Variants in PANX1 observed in about 807,000 individuals in gnomAD.
PANX1 encodes the protein pannexin-1.
PANX1 carries 30 observed loss-of-function variants against 38.7 expected under a neutral mutation model. That is an observed-to-expected ratio of 0.78 (90% CI 0.58 to 1.05). The LOEUF is 1.05. PANX1 is among the 50% of genes least tolerant of loss of function. The pLI, the probability that PANX1 is intolerant of heterozygous loss-of-function variation, is 0.00. For synonymous variants in PANX1, 230 were observed against 212.2 expected (o/e 1.08, Z -0.73); for missense variants, 551 against 517.2 (o/e 1.07, Z -0.63).
chr11:94,129,603 G>A (rs1591499901), intron 1 of PANX1, 110 bp downstream of exon 1: 1 of 1,010,384 alleles, frequency 9.9e-7, no homozygotes, highest in Non-Finnish European at 1.4e-6. Flanking sequence ...TGATGGTCGT[G>A]AGCGTCAGGA....
rs1028168717 is a variant in PANX1 at position 94,180,658 on chromosome 11, A to G, written c.1202-132A>G. 5.1e-6 allele frequency: 3 copies of G among 585,304 alleles called. No individual in the cohort carries two copies. In the Admixed American group the frequency reaches 8.8e-5, roughly 17 times the overall value. 36.3% of individuals were successfully genotyped at this position (585,304 alleles called of 1,614,324 possible). On this transcript the variant is annotated intron_variant, in intron 4 of 4. Coordinates refer to ENST00000227638, the MANE Select transcript of PANX1 (RefSeq NM_015368.4). ...TTCAAAGGGGACTAAAAGTTTATTG[A>G]TTCTTTTAGTTAGGCCAAGAAGCAA...
chr11:94,163,479 G>T (rs528136044), intron 2 of PANX1, among the ~76,000 whole-genome samples: 1 of 152,166 alleles, frequency 6.6e-6, no homozygotes, highest in South Asian at 2.1e-4. Context: ...CTATGGAAAT[G>T]ATCATATGCT....
chr11:94,159,198 G>A (rs1209511976), intron 2 of PANX1, among the ~76,000 whole-genome samples: 1 of 149,756 alleles, frequency 6.7e-6, no homozygotes, highest in East Asian at 1.9e-4. Flanking sequence ...AGGGATATTG[G>A]TCTAAAGTTC....
At chr11:94,175,679 ATGT>A in intron 2 of PANX1, 1 of 887,174 alleles carries the variant, frequency 1.1e-6, no homozygotes, top group Non-Finnish European at 1.3e-6. Context: ...TCATGCACTT[ATGT>A]TTTTAAACTA....
chr11:94,143,815 C>T (rs1016462881), intron 1 of PANX1, among the ~76,000 whole-genome samples: 3 of 151,364 alleles, frequency 2.0e-5, no homozygotes, highest in Non-Finnish European at 4.4e-5. Context: ...GTGATGGGAA[C>T]ACGGCTCACT....
intron 2 of PANX1, among the ~76,000 whole-genome samples, chr11:94,159,143 C>T (rs913095715): frequency 3.9e-5 from 6 of 152,096 alleles, no homozygotes; most frequent in Non-Finnish European, 5.9e-5. Flanking sequence ...CTGCTGGATT[C>T]GGTTTGCCAG....
At chr11:94,152,141 T>C (rs996176419) in intron 1 of PANX1, among the ~76,000 whole-genome samples, 1 of 151,128 alleles carries the variant, frequency 6.6e-6, no homozygotes, top group Non-Finnish European at 1.5e-5. Context: ...GGGAGAATGG[T>C]AGGCACATCC....
intron 2 of PANX1, among the ~76,000 whole-genome samples, chr11:94,167,583 A>C (rs533405910): frequency 2.3e-4 from 35 of 152,360 alleles, no homozygotes; most frequent in Admixed American, 7.8e-4. Flanking sequence ...AGATCCAGAT[A>C]GTGGATTGAT....
intron 1 of PANX1, 138 bp from the exon 2 acceptor site, chr11:94,153,353 T>TC: frequency 1.2e-6 from 1 of 811,562 alleles, no homozygotes; most frequent in East Asian, 2.6e-5. Context: ...CTTGGGTGTT[T>TC]GTTTTTAGTT....
chr11:94,145,370 T>C (rs921899494), intron 1 of PANX1, among the ~76,000 whole-genome samples: 2 of 152,218 alleles, frequency 1.3e-5, no homozygotes, highest in African/African-American at 4.8e-5. Flanking sequence ...TTGCATAGAT[T>C]TTTGAGTGAT....
chr11:94,180,929 A>G lies in PANX1; in HGVS notation c.*60A>G. On this transcript the variant is annotated 3_prime_UTR_variant, in exon 5 of 5. Transcript: ENST00000227638. The stretch of plus-strand genomic sequence containing the variant: ...CTGCGACATGGGATTTAATTTGGCT[A>G]AAGCACCCCTGTTGGTTTCACAGCT... 1 of 960,302 alleles carries G rather than the reference A, an allele frequency of 1.0e-6. No individual in the cohort carries two copies. Among genetic ancestry groups the G allele is most frequent in the Non-Finnish European group, 1.7e-6 (1 of 584,870 alleles). 59.5% of individuals were successfully genotyped at this position (960,302 alleles called of 1,614,324 possible).
intron 2 of PANX1, among the ~76,000 whole-genome samples, chr11:94,154,036 G>A (rs1185373637): frequency 6.6e-6 from 1 of 152,180 alleles, no homozygotes; most frequent in African/African-American, 2.4e-5. Flanking sequence ...CACACACAGG[G>A]TCTCTTGCAG....
intron 1 of PANX1, among the ~76,000 whole-genome samples, chr11:94,130,321 G>A (rs1946613850): frequency 6.6e-6 from 1 of 152,158 alleles, no homozygotes; most frequent in Non-Finnish European, 1.5e-5. Context: ...GGGTGGGTGG[G>A]ATTTGGACAA....
chr11:94,144,921 TTGAA>T (rs973856913), intron 1 of PANX1, among the ~76,000 whole-genome samples: 13 of 152,222 alleles, frequency 8.5e-5, no homozygotes, highest in Non-Finnish European at 1.3e-4. Flanking sequence ...TTTTACTAGG[TTGAA>T]TGAGAGAATC....
Position 94,153,597 on chromosome 11 carries a change from C to T in PANX1, c.288C>T (p.Ser96=), listed in dbSNP as rs1337308114. 8 of 1,613,734 alleles carry T rather than the reference C, an allele frequency of 5.0e-6. No homozygotes were observed. The highest frequency in any genetic ancestry group is 2.2e-5 in the East Asian group (1 of 44,894). Residue 96 remains serine, a synonymous_variant, in exon 2 of 5, where the codon AGC becomes AGT. Coordinates refer to ENST00000227638, the MANE Select transcript of PANX1 (RefSeq NM_015368.4). ...AAVQQKNSLQ[S]ESGNLPLWLH... ...TTCAGCAGAAGAACTCACTGCAGAG[C>T]GAGTCTGGAAACCTCCCACTGTGGC... is the stretch of plus-strand genomic sequence containing the variant.
chr11:94,146,453 CCACTTATCATTG>C (rs1946829619), intron 1 of PANX1, among the ~76,000 whole-genome samples: 1 of 152,212 alleles, frequency 6.6e-6, no homozygotes, highest in African/African-American at 2.4e-5. Flanking sequence ...CCTCCACAGA[CCACTTATCATTG>C]CACAGGGGGA....
intron 2 of PANX1, among the ~76,000 whole-genome samples, chr11:94,157,252 A>T (rs1946961677): frequency 6.6e-6 from 1 of 152,120 alleles, no homozygotes. Flanking sequence ...TAGTAATGGG[A>T]TGGCTGGGAT....
At chr11:94,156,601 C>T (rs1197804164) in intron 2 of PANX1, among the ~76,000 whole-genome samples, 2 of 151,686 alleles carry the variant, frequency 1.3e-5, no homozygotes, top group Admixed American at 6.6e-5. Flanking sequence ...TGACAGAGAT[C>T]GGGGATTACG....
chr11:94,168,070 A>G (rs972507687), intron 2 of PANX1, among the ~76,000 whole-genome samples: 9 of 152,276 alleles, frequency 5.9e-5, no homozygotes, highest in Admixed American at 5.9e-4. Flanking sequence ...AATGGGAGGT[A>G]AGGAAATGAA....
Sources: gnomAD v4.1 joint callset for allele counts (sites outside exome capture counted in the v4.1 genomes callset) on GRCh38, gnomAD v4.1.1 for gene constraint, MANE v1.5 for transcripts, NCBI Gene and HGNC (gene_info 2026-07-23, HGNC 2026-07-21) for gene names.